PPP2R1B: variants seen among roughly 807,000 people sequenced by gnomAD.
PPP2R1B encodes the protein protein phosphatase 2 scaffold subunit Abeta.
Under a neutral mutation model 72.7 loss-of-function variants are expected in PPP2R1B, and 58 were observed. That is an observed-to-expected ratio of 0.80 (90% CI 0.65 to 0.99). PPP2R1B has a LOEUF of 0.99. Ranked by LOEUF, PPP2R1B falls within the 50% of genes least tolerant of loss-of-function variation. The pLI is 0.00. For synonymous variants in PPP2R1B, 256 were observed against 264.6 expected, an observed-to-expected ratio of 0.97 and a Z score of 0.32; for missense variants, 695 against 733.6, an observed-to-expected ratio of 0.95 and a Z score of 0.61.
Position 111,738,485 on chromosome 11 carries a change from G to T in PPP2R1B, c.*3111C>A. The T allele has an allele frequency of 2.0e-6, 2 of 985,456 alleles. No individual in the cohort carries two copies. The highest frequency in any genetic ancestry group is 2.4e-6 in the Non-Finnish European group (2 of 829,950). The allele number at this position is 985,456 out of a possible 1,614,324, so 61.0% of individuals were successfully genotyped here. A position where few individuals can be genotyped will look rare whatever the true frequency, so the allele number is the denominator to read the frequency against. On this transcript the variant is annotated 3_prime_UTR_variant, in exon 15 of 15. Coordinates refer to ENST00000527614, the MANE Select transcript of PPP2R1B (RefSeq NM_002716.5). ...TGCACCAGGTTAACCGCCGGGTCAG[G>T]AAGGACAGGCTTGCTTCCCTGGAAG...
Position 111,743,467 on chromosome 11 carries a change from T to A in PPP2R1B, c.1463A>T (p.Glu488Val). Residue 488 changes from glutamate to valine, a missense_variant, in exon 12 of 15, where the codon GAG (glutamate) becomes GTG (valine). Coordinates refer to ENST00000527614, the MANE Select transcript of PPP2R1B (RefSeq NM_002716.5). ...LMKLVQKFGT[E>V]WAQNTIVPKV... ...GGGAACAATAGTATTTTGGGCCCAC[T>A]CTGTACCAAACTTCTGAACTAGTTT... 2 of 1,614,104 alleles carry A rather than the reference T, an allele frequency of 1.2e-6. No homozygotes were observed. The highest frequency in any genetic ancestry group is 1.7e-6 in the Non-Finnish European group (2 of 1,179,950).
chr11:111,758,594 AG>A (rs1798233619), intron 5 of PPP2R1B, among the ~76,000 whole-genome samples: 1 of 152,034 alleles, frequency 6.6e-6, no homozygotes. Context: ...TTTTAAAAAA[AG>A]AAAAGAAAAG....
intron 3 of PPP2R1B, 110 bp downstream of exon 3, chr11:111,764,694 GC>G: frequency 9.7e-7 from 1 of 1,025,778 alleles, no homozygotes; most frequent in African/African-American, 1.6e-5. Flanking sequence ...ATGACTATCT[GC>G]CCATAAAAAG....
chr11:111,722,044 T>G (rs1459887767), downstream of PPP2R1B: 12 of 819,730 alleles, frequency 1.5e-5, no homozygotes, highest in East Asian at 3.1e-4. This position sits in a 1 kb window ranked among gnomAD's most constrained non-coding sequence, Gnocchi z 4.4. Flanking sequence ...GGGTAGCTGC[T>G]TGATTCCTTA....
chr11:111,748,039 A>T (rs781993873), intron 10 of PPP2R1B, 25 bp from the exon 11 acceptor site: 5 of 1,599,880 alleles, frequency 3.1e-6, no homozygotes, highest in Non-Finnish European at 4.3e-6. Context: ...GATTCCATTA[A>T]CATACATTGC....
intron 15 of PPP2R1B, chr11:111,729,525 T>C (rs1049333269): frequency 6.6e-6 from 1 of 152,254 alleles, no homozygotes; most frequent in Non-Finnish European, 1.5e-5. Flanking sequence ...AGATCACAGC[T>C]GGTGATAGAA....
At chr11:111,688,411 C>T in the PPP2R1B span, among the ~76,000 whole-genome samples, 6 of 152,104 alleles carry the variant, frequency 3.9e-5, no homozygotes, top group African/African-American at 9.7e-5. This position sits in a 1 kb window ranked among gnomAD's most constrained non-coding sequence, Gnocchi z 4.2. Context: ...GGCAGGGTTT[C>T]GGGGTGCTCT....
chr11:111,765,409 G>T, intron 1 of PPP2R1B, 25 bp from the exon 2 acceptor site: 1 of 1,567,874 alleles, frequency 6.4e-7, no homozygotes, highest in South Asian at 1.1e-5. Context: ...GTAGAAAGAA[G>T]AACAATGTAA....
At position 111,753,456 on chromosome 11, in the gene PPP2R1B, T is replaced by C. The variant is rs1451304673; in HGVS notation, c.1151A>G (p.Gln384Arg). The change falls in exon 9 of 15, where the codon CAG becomes CGG. Residue 384 changes from glutamine to arginine, a missense_variant. Coordinates refer to ENST00000527614, the MANE Select transcript of PPP2R1B (RefSeq NM_002716.5). ...IEHLLPLFLA[Q>R]LKDECPDVRL... ...AGCAAGACCCACCTCATCCTTTAAC[T>C]GAGCTAAGAAAAGAGGTAGAAGATG... is the stretch of plus-strand genomic sequence containing the variant. The C allele has an allele frequency of 3.1e-6, 5 of 1,612,872 alleles. No homozygotes were observed. The highest frequency in any genetic ancestry group is 4.2e-6 in the Non-Finnish European group (5 of 1,179,782).
intron 5 of PPP2R1B, 53 bp from the exon 6 acceptor site, chr11:111,755,503 C>A: frequency 6.5e-7 from 1 of 1,534,680 alleles, no homozygotes; most frequent in Non-Finnish European, 8.8e-7. Context: ...CCATGGGGAA[C>A]TGCTGTGGGG....
At chr11:111,759,231 C>T (rs1945236527) in intron 5 of PPP2R1B, among the ~76,000 whole-genome samples, 1 of 152,126 alleles carries the variant, frequency 6.6e-6, no homozygotes, top group Admixed American at 6.5e-5. Flanking sequence ...TCTCATGGGG[C>T]TGTTGTAAGG....
chr11:111,753,237 C>T (rs1201819637), intron 9 of PPP2R1B, among the ~76,000 whole-genome samples: 1 of 152,142 alleles, frequency 6.6e-6, no homozygotes, highest in Non-Finnish European at 1.5e-5. Flanking sequence ...ACAGATATTT[C>T]TAGGTTTACT....
At chr11:111,726,587 G>A (rs1943975118), downstream of PPP2R1B, 2 of 221,242 alleles carry the variant, frequency 9.0e-6, no homozygotes, top group Non-Finnish European at 1.8e-5. Flanking sequence ...AATGTAAGCT[G>A]CTGAGGAGAC....
chr11:111,755,071 T>C lies in PPP2R1B; in HGVS notation c.867A>G (p.Lys289=), dbSNP rs782359283. 6.2e-6 allele frequency: 10 copies of C among 1,613,222 alleles called. No homozygotes were observed. Among genetic ancestry groups the C allele is most frequent in the Non-Finnish European group, 8.5e-6 (10 of 1,179,346 alleles). The change falls in exon 7 of 15, where the codon AAA becomes AAG. Residue 289 remains lysine, a synonymous_variant. Transcript: ENST00000527614. ...CGGGGATGAGGTCATTTAGGGTGAT[T>C]TTAGGACCCATGGCTTTCTGGAGCT... ...FSELQKAMGP[K]ITLNDLIPAF... is the part of the protein sequence containing the mutation.
At chr11:111,742,694 A>G in intron 12 of PPP2R1B, 29 bp from the exon 13 acceptor site, 4 of 1,531,548 alleles carry the variant, frequency 2.6e-6, no homozygotes, top group Non-Finnish European at 2.6e-6. Flanking sequence ...TGGCACATTT[A>G]AAATACTTTA....
downstream of PPP2R1B, chr11:111,723,423 G>A: frequency 1.4e-6 from 2 of 1,451,998 alleles, no homozygotes; most frequent in South Asian, 1.3e-5. Flanking sequence ...CTAGTGACTG[G>A]TATTGCATTT....
chr11:111,726,989 C>G, exon 16 of PPP2R1B: 3 of 1,614,054 alleles, frequency 1.9e-6, no homozygotes, highest in Non-Finnish European at 2.5e-6. Flanking sequence ...GGGAGAAATG[C>G]ACTAGCTCTG....
At chr11:111,724,664 G>A (rs1164633305), downstream of PPP2R1B, 1 of 156,852 alleles carries the variant, frequency 6.4e-6, no homozygotes, top group African/African-American at 2.4e-5. Flanking sequence ...CTTAGCTGCT[G>A]ATGCAAGTTG....
chr11:111,704,976 T>G, the PPP2R1B span: 1 of 1,596,688 alleles, frequency 6.3e-7, no homozygotes, highest in Non-Finnish European at 8.5e-7. Flanking sequence ...ACCACTTGTT[T>G]TTTATTTCAG....
Sources: allele counts gnomAD v4.1 joint callset (sites outside exome capture counted in the v4.1 genomes callset), GRCh38; gene constraint gnomAD v4.1.1; non-coding constraint Gnocchi (gnomAD v3.1); transcripts MANE v1.5; gene names NCBI Gene and HGNC (gene_info 2026-07-23, HGNC 2026-07-21).